FRYL: variants seen among roughly 807,000 people sequenced by gnomAD.
The protein encoded by FRYL is FRY like transcription coactivator, also known as protein furry homolog-like.
A neutral mutation model predicts 351.2 loss-of-function variants in FRYL; 150 were observed. That is an observed-to-expected ratio of 0.43 (90% CI 0.37 to 0.49). The LOEUF (loss-of-function observed/expected upper bound fraction) is 0.49. FRYL is among the 20% of genes least tolerant of loss of function. The probability of loss-of-function intolerance (pLI) is 0.00; values close to 1 mark genes in which losing one functional copy is unlikely to be tolerated. For missense variants in FRYL, 3,036 were observed against 3,619.3 expected (o/e 0.84, Z 4.13); for synonymous variants, 1,153 against 1,257.1 (o/e 0.92, Z 1.75).
intron 3 of FRYL, among the ~76,000 whole-genome samples, chr4:48,683,548 T>C (rs1764879210): frequency 6.6e-6 from 1 of 152,146 alleles, no homozygotes; most frequent in African/African-American, 2.4e-5. Context: ...TCAAGATCCT[T>C]TCCATGTAAA....
At position 48,540,346 on chromosome 4, in the gene FRYL, A is replaced by C; in HGVS notation, c.6295+7T>G. On this transcript the variant is annotated splice_region_variant and intron_variant, in intron 46 of 63. Coordinates refer to ENST00000358350, the MANE Select transcript of FRYL (RefSeq NM_015030.2). The stretch of plus-strand genomic sequence containing the variant: ...GCAAAGTGCTGGTGCAATTATATTA[A>C]CATCACCTGACAATTGGGAAGGATC... 1 of 1,608,996 alleles carries C rather than the reference A, an allele frequency of 6.2e-7. No individual in the cohort carries two copies. The highest frequency in any genetic ancestry group is 8.5e-7 in the Non-Finnish European group (1 of 1,176,658).
chr4:48,508,863 G>GGA (rs1463704210), intron 59 of FRYL, among the ~76,000 whole-genome samples: 1 of 152,158 alleles, frequency 6.6e-6, no homozygotes, highest in East Asian at 1.9e-4. Context: ...GACTAGTCTT[G>GGA]GAAGTTACAC....
At chr4:48,528,463 G>T in intron 50 of FRYL, 127 bp from the exon 51 acceptor site, 1 of 550,964 alleles carries the variant, frequency 1.8e-6, no homozygotes, top group Non-Finnish European at 2.9e-6. Flanking sequence ...AAATTACTTT[G>T]CATGAGGCAG....
chr4:48,505,912 A>C, intron 59 of FRYL: 4 of 279,534 alleles, frequency 1.4e-5, no homozygotes, highest in Non-Finnish European at 2.0e-5. Context: ...TGCAGGTTTT[A>C]TGAAAATCTT....
At chr4:48,700,717 G>C (rs148140237) in intron 2 of FRYL, among the ~76,000 whole-genome samples, 5 of 151,308 alleles carry the variant, frequency 3.3e-5, no homozygotes, top group African/African-American at 4.9e-5. Flanking sequence ...TGGGAGGATC[G>C]CTTGAGCCCA....
intron 62 of FRYL, 88 bp from the exon 63 acceptor site, chr4:48,500,308 G>A: frequency 1.4e-6 from 1 of 711,274 alleles, no homozygotes; most frequent in Non-Finnish European, 2.2e-6. Context: ...GATGGCAGTA[G>A]CATTGTTGCT....
chr4:48,742,485 T>C (rs749111190), intron 1 of FRYL, among the ~76,000 whole-genome samples: 1 of 152,204 alleles, frequency 6.6e-6, no homozygotes, highest in Non-Finnish European at 1.5e-5. Context: ...TGGACCTCTT[T>C]TCTATCTATA....
chr4:48,670,318 A>G (rs1170654412), intron 3 of FRYL, among the ~76,000 whole-genome samples: 2 of 151,978 alleles, frequency 1.3e-5, no homozygotes, highest in Non-Finnish European at 2.9e-5. Context: ...CTGTAATCCC[A>G]GCTACTTGGA....
At chr4:48,674,996 C>A (rs1325712632) in intron 3 of FRYL, among the ~76,000 whole-genome samples, 1 of 152,158 alleles carries the variant, frequency 6.6e-6, no homozygotes, top group Admixed American at 6.5e-5. Context: ...TGTCTTTTTG[C>A]CTAAAACGAA....
intron 2 of FRYL, among the ~76,000 whole-genome samples, chr4:48,696,451 C>G (rs1446813748): frequency 6.6e-6 from 1 of 152,198 alleles, no homozygotes; most frequent in African/African-American, 2.4e-5. Context: ...ACCGCATGTT[C>G]TCACTCATAA....
At chr4:48,588,116 T>G (rs1309046127) in intron 18 of FRYL, among the ~76,000 whole-genome samples, 2 of 152,214 alleles carry the variant, frequency 1.3e-5, no homozygotes, top group African/African-American at 4.8e-5. Context: ...TCAAGGTGCA[T>G]CTGTTATTCA....
At chr4:48,538,704 T>C (rs1729442283) in intron 47 of FRYL, among the ~76,000 whole-genome samples, 2 of 152,062 alleles carry the variant, frequency 1.3e-5, no homozygotes, top group Non-Finnish European at 1.5e-5. Context: ...TTCTCTTCTG[T>C]AGAAAAAAAC....
chr4:48,510,447 T>A (rs1722231982), intron 58 of FRYL, among the ~76,000 whole-genome samples: 1 of 152,172 alleles, frequency 6.6e-6, no homozygotes, highest in Non-Finnish European at 1.5e-5. Flanking sequence ...CCTTAGTTCT[T>A]TAAATATCTT....
At chr4:48,657,079 C>T (rs1288675457) in intron 3 of FRYL, among the ~76,000 whole-genome samples, 1 of 152,196 alleles carries the variant, frequency 6.6e-6, no homozygotes, top group Non-Finnish European at 1.5e-5. Context: ...TTAACTAGGA[C>T]AACTACATAT....
intron 41 of FRYL, chr4:48,547,337 T>C (rs1330390120): frequency 3.3e-6 from 1 of 298,916 alleles, no homozygotes; most frequent in African/African-American, 2.2e-5. Flanking sequence ...TTTCATTATG[T>C]CTTCAACTTA....
At chr4:48,505,476 T>C in intron 60 of FRYL, 71 bp downstream of exon 60, 1 of 840,270 alleles carries the variant, frequency 1.2e-6, no homozygotes, top group East Asian at 2.4e-5. Flanking sequence ...CAAATAAGGA[T>C]ATTTGAACAC....
chr4:48,577,786 G>A (rs1739945790), intron 23 of FRYL, among the ~76,000 whole-genome samples: 1 of 151,806 alleles, frequency 6.6e-6, no homozygotes, highest in Admixed American at 6.6e-5. Context: ...TGAAGTGGGA[G>A]GACTGCTTGA....
chr4:48,506,721 G>GAAAGT (rs1385184766), intron 59 of FRYL: 1 of 144,594 alleles, frequency 6.9e-6, no homozygotes, highest in Non-Finnish European at 1.5e-5. Flanking sequence ...CAGCTACTCT[G>GAAAGT]AAAGTATTTT....
chr4:48,774,351 A>G (rs1260438283), intron 1 of FRYL, among the ~76,000 whole-genome samples: 1 of 152,174 alleles, frequency 6.6e-6, no homozygotes, highest in Non-Finnish European at 1.5e-5. Flanking sequence ...CAAATTCCAC[A>G]GGAACTACTA....
Sources: allele counts gnomAD v4.1 joint callset (sites outside exome capture counted in the v4.1 genomes callset), GRCh38; gene constraint gnomAD v4.1.1; transcripts MANE v1.5; gene names NCBI Gene and HGNC (gene_info 2026-07-23, HGNC 2026-07-21).